Variants in ANKRD17 observed in about 807,000 individuals in gnomAD.
The protein encoded by ANKRD17 is ankyrin repeat domain-containing protein 17.
Under a neutral mutation model 229.7 loss-of-function variants are expected in ANKRD17, and 19 were observed. That is an observed-to-expected ratio of 0.08 (90% CI 0.06 to 0.12). The LOEUF (loss-of-function observed/expected upper bound fraction) is 0.12, where lower values mean the gene tolerates loss of function less well. Among genes scored for constraint, ANKRD17 ranks in the 10% least tolerant of loss-of-function variants. The pLI, the probability that ANKRD17 is intolerant of heterozygous loss-of-function variation, is 1.00. For synonymous variants in ANKRD17, 1,112 were observed against 1,146.1 expected (o/e 0.97, Z 0.60); for missense variants, 2,176 against 3,176.8 (o/e 0.68, Z 7.57).
chr4:73,182,154 G>A (rs1368243514), intron 1 of ANKRD17, among the ~76,000 whole-genome samples: 2 of 140,566 alleles, frequency 1.4e-5, no homozygotes, highest in East Asian at 4.3e-4. Flanking sequence ...CTTCCATGAA[G>A]AGAGAAGACA....
Position 73,258,573 on chromosome 4 carries a change from C to T in ANKRD17, c.96G>A (p.Ala32=), listed in dbSNP as rs1745704721. Reference sequence around the variant, plus strand: ...CGCCAACGCCGCCGCCGACCTCCGCCGCCGCGGGGGGGCCCGCCACAGCCG... The same window carrying T: ...CGCCAACGCCGCCGCCGACCTCCGCTGCCGCGGGGGGGCCCGCCACAGCCG... ...AVAAVAGPPA[A]AEVGGGVGGS... is the part of the protein sequence containing the mutation. The change falls in exon 1 of 34, where the codon GCG becomes GCA. Residue 32 remains alanine (A), a synonymous_variant. Coordinates refer to ENST00000358602, the MANE Select transcript of ANKRD17 (RefSeq NM_032217.5). The T allele has an allele frequency of 6.8e-7, 1 of 1,461,762 alleles. No individual in the cohort carries two copies. The allele number at this position is 1,461,762 out of a possible 1,614,324, so 90.5% of individuals were successfully genotyped here. A position where few individuals can be genotyped will look rare whatever the true frequency, so the allele number is the denominator to read the frequency against.
chr4:73,180,785 C>A (rs978579115), intron 1 of ANKRD17, among the ~76,000 whole-genome samples: 3 of 152,044 alleles, frequency 2.0e-5, no homozygotes, highest in Non-Finnish European at 4.4e-5. Flanking sequence ...GCCTAAGTAC[C>A]AGAATTGCTT....
chr4:73,116,793 C>T (rs1726012923), intron 22 of ANKRD17, among the ~76,000 whole-genome samples: 1 of 151,540 alleles, frequency 6.6e-6, no homozygotes, highest in Non-Finnish European at 1.5e-5. Flanking sequence ...GTTATATATA[C>T]ATATATAGAC....
At chr4:73,213,052 T>C (rs1418720032) in intron 1 of ANKRD17, among the ~76,000 whole-genome samples, 1 of 127,572 alleles carries the variant, frequency 7.8e-6, no homozygotes, top group African/African-American at 2.9e-5. Context: ...AAAAAAGAAA[T>C]ATAAGAATTT....
intron 1 of ANKRD17, among the ~76,000 whole-genome samples, chr4:73,255,525 G>T (rs968781671): frequency 3.9e-5 from 6 of 152,148 alleles, no homozygotes; most frequent in Non-Finnish European, 7.4e-5. Context: ...TTAGCCACAA[G>T]ACTTCCTAGC....
At chr4:73,150,144 T>C (rs1300700489) in intron 7 of ANKRD17, among the ~76,000 whole-genome samples, 5 of 152,222 alleles carry the variant, frequency 3.3e-5, no homozygotes, top group Admixed American at 3.3e-4. Context: ...TTAGTTTGAT[T>C]ACTTTGCTAT....
chr4:73,207,669 A>G (rs1411098889), intron 1 of ANKRD17, among the ~76,000 whole-genome samples: 1 of 152,230 alleles, frequency 6.6e-6, no homozygotes, highest in Non-Finnish European at 1.5e-5. Context: ...AAATATTAAC[A>G]AAGCCAAAGA....
In ANKRD17 at chr4:73,239,924, T is replaced by C. The variant is rs141190173; in HGVS notation, c.393+18352A>G. 6.1e-3 allele frequency among the ~76,000 whole-genome samples: 930 copies of C among 152,304 alleles called. 32 individuals carry two copies. Among genetic ancestry groups the C allele is most frequent in the Admixed American group, 0.045 (682 of 15,300 alleles). ...TCTTAAAAGGATATTACCCCCTCAA[T>C]AGAATTAAATTTATCTACATTGTAT... On this transcript the variant is annotated intron_variant, in intron 1 of 33. Coordinates refer to ENST00000358602, the MANE Select transcript of ANKRD17 (RefSeq NM_032217.5).
At chr4:73,119,988 T>C (rs1489035167) in intron 21 of ANKRD17, among the ~76,000 whole-genome samples, 174 bp downstream of exon 21, 9 of 152,166 alleles carry the variant, frequency 5.9e-5, no homozygotes, top group Admixed American at 4.6e-4. Flanking sequence ...AATCAGACAA[T>C]GTAGCATAGC....
intron 1 of ANKRD17, among the ~76,000 whole-genome samples, chr4:73,211,847 C>CA (rs567271450): frequency 0.022 from 1,087 of 49,300 alleles, 8 homozygotes; most frequent in Admixed American, 0.031. Context: ...AACTCTGTCT[C>CA]AAAAAAAAAA....
chr4:73,112,099 G>A (rs1450796987), intron 24 of ANKRD17, among the ~76,000 whole-genome samples: 1 of 152,166 alleles, frequency 6.6e-6, no homozygotes, highest in East Asian at 1.9e-4. Context: ...CTAAGAGAAA[G>A]AGTAATAAAA....
chr4:73,092,122 T>C lies in ANKRD17; in HGVS notation c.5506A>G (p.Lys1836Glu), dbSNP rs1722851751. ...TAANTSLMGI[K>E]MTTVALSSTS... is the part of the protein sequence containing the mutation. ...GATGACAGAGCTACAGTTGTCATTT[T>C]AATTCCCATTAAGGAAGTGTTAGCA... Residue 1836 changes from lysine to glutamate, a missense_variant, in exon 29 of 34, where the codon AAA (lysine) becomes GAA (glutamate). This residue lies in a region of ANKRD17 where 142 missense variants were observed against 200.4 expected (regional missense o/e 0.71). Transcript: ENST00000358602. The C allele has an allele frequency of 6.2e-7, 1 of 1,614,128 alleles. No homozygotes were observed.
chr4:73,252,250 C>T (rs1037487802), intron 1 of ANKRD17, among the ~76,000 whole-genome samples: 12 of 152,120 alleles, frequency 7.9e-5, no homozygotes, highest in African/African-American at 2.9e-4. Context: ...GTCCACAGCA[C>T]ACAATGTAAA....
chr4:73,239,189 C>T (rs1743782037), intron 1 of ANKRD17, among the ~76,000 whole-genome samples: 1 of 152,096 alleles, frequency 6.6e-6, no homozygotes, highest in African/African-American at 2.4e-5. Flanking sequence ...GATGTTTGAC[C>T]TATCAGATCC....
chr4:73,113,046 C>A, intron 24 of ANKRD17: 3 of 1,101,490 alleles, frequency 2.7e-6, no homozygotes, highest in Non-Finnish European at 3.4e-6. Flanking sequence ...CCTCGGCCTC[C>A]CAAAGTGCTG....
intron 28 of ANKRD17, among the ~76,000 whole-genome samples, chr4:73,093,744 C>T (rs1192136927): frequency 6.6e-6 from 1 of 152,106 alleles, no homozygotes; most frequent in Admixed American, 6.5e-5. Context: ...AAGACAAAAA[C>T]CCACTGCTTA....
In ANKRD17 at chr4:73,141,754, G is replaced by T. The variant is rs1209154542; in HGVS notation, c.2319C>A (p.Pro773=). ...KPPANVATTL[P]IRNKAASKQK... is the part of the protein sequence containing the mutation. The stretch of plus-strand genomic sequence containing the variant: ...AGTATAACTGACCTTTATTCCTGAT[G>T]GGAAGAGTGGTGGCAACATTGGCAG... Residue 773 remains proline, a synonymous_variant, in exon 14 of 34, where the codon CCC becomes CCA. Coordinates refer to ENST00000358602, the MANE Select transcript of ANKRD17 (RefSeq NM_032217.5). The T allele has an allele frequency of 6.2e-7, 1 of 1,613,544 alleles. No homozygotes were observed.
chr4:73,174,210 CA>C (rs1458052954), intron 2 of ANKRD17, among the ~76,000 whole-genome samples: 1 of 152,040 alleles, frequency 6.6e-6, no homozygotes, highest in African/African-American at 2.4e-5. Flanking sequence ...CAGAATCCAA[CA>C]GCATAGCAAA....
intron 22 of ANKRD17, among the ~76,000 whole-genome samples, chr4:73,118,087 G>A (rs1004243511): frequency 3.3e-5 from 5 of 151,978 alleles, no homozygotes; most frequent in Non-Finnish European, 7.4e-5. Flanking sequence ...TGCAATCTCA[G>A]CTCACTGCAA....
Sources: allele counts gnomAD v4.1 joint callset (sites outside exome capture counted in the v4.1 genomes callset), GRCh38; gene constraint gnomAD v4.1.1; regional missense constraint gnomAD v4.1.1; transcripts MANE v1.5; gene names NCBI Gene and HGNC (gene_info 2026-07-23, HGNC 2026-07-21).